Variants in AKAP7 observed in about 807,000 individuals in gnomAD.
The protein encoded by AKAP7 is A kinase (PRKA) anchor protein 7.
In AKAP7, 39 loss-of-function variants were observed where a neutral mutation model predicts 39.5. The observed-to-expected ratio is 0.99, with a 90% CI of 0.76 to 1.29. The LOEUF is 1.29. AKAP7 is among the 50% of genes most tolerant of loss of function. The pLI, the probability that AKAP7 is intolerant of heterozygous loss-of-function variation, is 0.00. For missense variants in AKAP7, 414 were observed against 407.7 expected (o/e 1.02, Z -0.13); for synonymous variants, 140 against 139.1 (o/e 1.01, Z -0.05).
intron 3 of AKAP7, among the ~76,000 whole-genome samples, chr6:131,164,797 C>T (rs1165415088): frequency 1.3e-5 from 2 of 152,098 alleles, no homozygotes; most frequent in African/African-American, 4.8e-5. Context: ...AGAGGTTTTT[C>T]CAGTCAGATA....
At chr6:131,143,176 G>A (rs1801189612) in intron 1 of AKAP7, among the ~76,000 whole-genome samples, 1 of 152,172 alleles carries the variant, frequency 6.6e-6, no homozygotes, top group Non-Finnish European at 1.5e-5. Context: ...CTATTGGGAA[G>A]AGATGATTAT....
At chr6:131,166,585 C>A (rs77797858) in intron 4 of AKAP7, among the ~76,000 whole-genome samples, 1,594 of 152,298 alleles carry the variant, frequency 0.01, 26 homozygotes, top group African/African-American at 0.036. Context: ...CTCAGTCAGT[C>A]TGGGGACAGA....
chr6:131,221,840 T>A (rs1238421944), intron 7 of AKAP7, among the ~76,000 whole-genome samples: 3 of 152,216 alleles, frequency 2.0e-5, no homozygotes, highest in Non-Finnish European at 4.4e-5. Flanking sequence ...TTACTGCTCA[T>A]TGACAGTGCA....
In AKAP7 at chr6:131,282,338, ATT is replaced by A; in HGVS notation, c.*615_*616del. Reference sequence around the variant, plus strand: ...CATTTTAAAGTTTTTTTAAAATCCTATTTTGATAAGTCAGTATGCCATATTTA... The same window carrying A: ...CATTTTAAAGTTTTTTTAAAATCCTATTGATAAGTCAGTATGCCATATTTA... On this transcript the variant is annotated 3_prime_UTR_variant, in exon 8 of 8. Coordinates refer to ENST00000431975, the MANE Select transcript of AKAP7 (RefSeq NM_016377.4). The A allele has an allele frequency of 7.3e-7, 1 of 1,368,286 alleles. No homozygotes were observed. The allele number at this position is 1,368,286 out of a possible 1,614,324, so 84.8% of individuals were successfully genotyped here. A position where few individuals can be genotyped will look rare whatever the true frequency, so the allele number is the denominator to read the frequency against.
chr6:131,164,887 C>A (rs888970895), intron 3 of AKAP7, among the ~76,000 whole-genome samples, 194 bp from the exon 4 acceptor site: 1 of 152,188 alleles, frequency 6.6e-6, no homozygotes, highest in Admixed American at 6.5e-5. Flanking sequence ...ACTTACACAT[C>A]CTTTTAAGCT....
At chr6:131,235,649 C>G (rs1810987838) in intron 7 of AKAP7, among the ~76,000 whole-genome samples, 1 of 152,226 alleles carries the variant, frequency 6.6e-6, no homozygotes, top group African/African-American at 2.4e-5. Context: ...TTGCATTTCT[C>G]TGATGGCCAG....
intron 5 of AKAP7, among the ~76,000 whole-genome samples, chr6:131,186,738 C>CAAAGACA (rs1174504930): frequency 6.6e-6 from 1 of 152,044 alleles, no homozygotes; most frequent in East Asian, 1.9e-4. Context: ...GCAAAAGGGA[C>CAAAGACA]AAAGACAAAA....
chr6:131,150,061 C>T (rs564992121), intron 2 of AKAP7, among the ~76,000 whole-genome samples: 7 of 152,260 alleles, frequency 4.6e-5, no homozygotes, highest in Middle Eastern at 3.4e-3. Flanking sequence ...TCCAGTGATC[C>T]GCCCACCTCA....
At chr6:131,151,025 T>C (rs1801866062) in intron 2 of AKAP7, among the ~76,000 whole-genome samples, 1 of 152,102 alleles carries the variant, frequency 6.6e-6, no homozygotes, top group African/African-American at 2.4e-5. Context: ...TTACATTTTC[T>C]CACATAATCC....
intron 7 of AKAP7, among the ~76,000 whole-genome samples, chr6:131,221,975 A>G (rs1809737505): frequency 6.6e-6 from 1 of 152,202 alleles, no homozygotes; most frequent in African/African-American, 2.4e-5. Context: ...AAGGCTTATT[A>G]TTTAAGAAAT....
intron 5 of AKAP7, among the ~76,000 whole-genome samples, chr6:131,172,200 ATAAT>A (rs971399946): frequency 1.3e-5 from 2 of 152,222 alleles, no homozygotes; most frequent in Non-Finnish European, 2.9e-5. Flanking sequence ...AAACCTATAA[ATAAT>A]TAAAGTATTT....
upstream of AKAP7, among the ~76,000 whole-genome samples, chr6:131,131,714 G>T (rs996836679): frequency 3.3e-5 from 5 of 152,198 alleles, no homozygotes; most frequent in African/African-American, 1.2e-4. Flanking sequence ...GGCACAAGGA[G>T]TATTAAAGCC....
In AKAP7 at chr6:131,282,173, G is replaced by GTT; in HGVS notation, c.*448_*449insTT. 1.6e-6 allele frequency: 2 copies of GTT among 1,250,302 alleles called. No individual in the cohort carries two copies. The highest frequency in any genetic ancestry group is 2.0e-6 in the Non-Finnish European group (2 of 998,874). The allele number at this position is 1,250,302 out of a possible 1,614,324, so 77.5% of individuals were successfully genotyped here. The stretch of plus-strand genomic sequence containing the variant: ...ATAATCACTGTTGGAATTGTCATCT[G>GTT]TACAATTAGTCCATAATGTTTCATG... On this transcript the variant is annotated 3_prime_UTR_variant, in exon 8 of 8. Coordinates refer to ENST00000431975, the MANE Select transcript of AKAP7 (RefSeq NM_016377.4).
the AKAP7 span, among the ~76,000 whole-genome samples, chr6:131,127,526 T>G: frequency 2.0e-5 from 3 of 152,314 alleles, no homozygotes; most frequent in East Asian, 5.8e-4. Flanking sequence ...GGAAAACATT[T>G]AAATCATTAG....
At chr6:131,126,885 T>C in the AKAP7 span, among the ~76,000 whole-genome samples, 2 of 152,296 alleles carry the variant, frequency 1.3e-5, no homozygotes. Flanking sequence ...AGTGTTTTCC[T>C]GCCATTATTT....
Position 131,190,071 on chromosome 6 carries a change from G to A in AKAP7, c.590-9390G>A, listed in dbSNP as rs543794055. On this transcript the variant is annotated intron_variant, in intron 5 of 7. Coordinates refer to ENST00000431975, the MANE Select transcript of AKAP7 (RefSeq NM_016377.4). ...TCTCATCCCAAATATGACATTGCTC[G>A]AACCATTACCTAATACCCTAAGCAA... Among the ~76,000 whole-genome samples the A allele has an allele frequency of 4.6e-5, 7 of 152,110 alleles. No individual in the cohort carries two copies. In the East Asian group the frequency reaches 5.8e-4, roughly 13 times the overall value.
At chr6:131,187,962 G>GT (rs1169261120) in intron 5 of AKAP7, among the ~76,000 whole-genome samples, 2 of 152,220 alleles carry the variant, frequency 1.3e-5, no homozygotes, top group Non-Finnish European at 2.9e-5. Context: ...TACTATCAGT[G>GT]TTAAGTGATG....
intron 6 of AKAP7, 62 bp from the exon 7 acceptor site, chr6:131,219,599 T>C (rs1809522610): frequency 1.4e-6 from 2 of 1,443,428 alleles, no homozygotes; most frequent in Non-Finnish European, 1.9e-6. Context: ...GAAAGTGATG[T>C]AGTTATGAAC....
At chr6:131,199,615 C>T in intron 6 of AKAP7, 42 bp downstream of exon 6, 2 of 1,422,440 alleles carry the variant, frequency 1.4e-6, no homozygotes, top group Non-Finnish European at 2.0e-6. Context: ...TACCAGGCCA[C>T]ACCAGCCATA....
Sources: gnomAD v4.1 joint callset for allele counts (sites outside exome capture counted in the v4.1 genomes callset) on GRCh38, gnomAD v4.1.1 for gene constraint, MANE v1.5 for transcripts, NCBI Gene and HGNC (gene_info 2026-07-23, HGNC 2026-07-21) for gene names.